The following SLIT1 variants were observed in gnomAD, a reference collection of about 807,000 sequenced individuals.
The protein encoded by SLIT1 is slit guidance ligand 1, also known as slit homolog 1 protein.
A neutral mutation model predicts 186.1 loss-of-function variants in SLIT1; 66 were observed. That is an observed-to-expected ratio of 0.35 (90% confidence interval 0.29 to 0.44). The LOEUF is 0.44. Ranked by LOEUF, SLIT1 falls within the 20% of genes least tolerant of loss-of-function variation. SLIT1 has a pLI of 1.00. For synonymous variants in SLIT1, 761 were observed against 833.8 expected (o/e 0.91, Z 1.50); for missense variants, 1,638 against 2,037.4 (o/e 0.80, Z 3.77).
chr10:97,124,931 A>G (rs1218799373), intron 4 of SLIT1, among the ~76,000 whole-genome samples: 2 of 152,250 alleles, frequency 1.3e-5, no homozygotes. Context: ...TCAAACAGGT[A>G]GTTTAACAGA....
At chr10:97,044,872 A>T (rs976081020) in intron 18 of SLIT1, among the ~76,000 whole-genome samples, 2 of 152,186 alleles carry the variant, frequency 1.3e-5, no homozygotes, top group Non-Finnish European at 2.9e-5. Flanking sequence ...TCCAATCCCT[A>T]TGTTGAAGTC....
At chr10:97,073,987 A>G (rs541264855) in intron 4 of SLIT1, among the ~76,000 whole-genome samples, 1 of 152,138 alleles carries the variant, frequency 6.6e-6, no homozygotes, top group African/African-American at 2.4e-5. Context: ...CACCCAGGAA[A>G]CGCTATTTAT....
chr10:97,039,744 A>T (rs574863472), intron 21 of SLIT1, among the ~76,000 whole-genome samples: 5 of 152,366 alleles, frequency 3.3e-5, no homozygotes, highest in African/African-American at 1.2e-4. Flanking sequence ...AGCTTAGTTT[A>T]AAGGGAGGAA....
intron 4 of SLIT1, among the ~76,000 whole-genome samples, chr10:97,117,149 C>A (rs576575061): frequency 1.3e-5 from 2 of 152,060 alleles, no homozygotes; most frequent in African/African-American, 4.8e-5. Context: ...TGTGTTTCTA[C>A]GAGCAGAGAC....
intron 25 of SLIT1, among the ~76,000 whole-genome samples, chr10:97,023,919 G>A (rs1320400075): frequency 6.6e-6 from 1 of 152,028 alleles, no homozygotes; most frequent in Non-Finnish European, 1.5e-5. Flanking sequence ...TCCAGCCTGG[G>A]CGACAAGACT....
At chr10:97,095,892 G>T (rs1263449971) in intron 4 of SLIT1, among the ~76,000 whole-genome samples, 1 of 152,188 alleles carries the variant, frequency 6.6e-6, no homozygotes, top group African/African-American at 2.4e-5. Flanking sequence ...CAAATCCCCT[G>T]GGGACTTGTT....
chr10:97,128,348 T>C (rs1021040999), intron 4 of SLIT1, among the ~76,000 whole-genome samples: 2 of 151,406 alleles, frequency 1.3e-5, no homozygotes, highest in African/African-American at 4.9e-5. Flanking sequence ...CAAGCAGGAG[T>C]GTTCATCTGT....
intron 31 of SLIT1, among the ~76,000 whole-genome samples, chr10:97,009,567 G>C (rs1030764641): frequency 1.2e-4 from 19 of 152,030 alleles, no homozygotes; most frequent in African/African-American, 4.6e-4. Context: ...CATAACCTTG[G>C]ATTAGGCAAT....
intron 4 of SLIT1, 115 bp from the exon 5 acceptor site, chr10:97,066,201 A>G (rs931011106): frequency 2.6e-6 from 2 of 769,684 alleles, no homozygotes; most frequent in Non-Finnish European, 4.6e-6. Context: ...TGAACCAGCC[A>G]CTGCTGCACC....
chr10:97,029,700 C>T, intron 25 of SLIT1, among the ~76,000 whole-genome samples: 1 of 152,200 alleles, frequency 6.6e-6, no homozygotes, highest in East Asian at 1.9e-4. Context: ...ATTGTATTCA[C>T]AGTGTTGTAC....
intron 4 of SLIT1, among the ~76,000 whole-genome samples, chr10:97,145,005 A>G (rs7086776): frequency 0.059 from 8,931 of 152,088 alleles, 402 homozygotes; most frequent in East Asian, 0.13. Context: ...AAAAGAGAGG[A>G]CTCAATGCCA....
Position 97,047,986 on chromosome 10 carries a change from C to T in SLIT1, c.1476G>A (p.Gln492=). The change falls in exon 15 of 37, where the codon CAG becomes CAA. Residue 492 remains glutamine (Q), a synonymous_variant. Coordinates refer to ENST00000266058, the MANE Select transcript of SLIT1 (RefSeq NM_003061.3). ...CCACTCTCCTACCTGGAATGAAGTACTGCTCTTTGGCTGGGAAGAGAAGCA... is the reference window on the plus strand; with the variant it reads ...CCACTCTCCTACCTGGAATGAAGTATTGCTCTTTGGCTGGGAAGAGAAGCA... ...SKKFRCSAKE[Q]YFIPGTEDYQ... 3.1e-6 allele frequency: 5 copies of T among 1,614,200 alleles called. No homozygotes were observed. Among genetic ancestry groups the T allele is most frequent in the South Asian group, 1.1e-5 (1 of 91,082 alleles).
At chr10:97,005,755 G>A (rs570356195) in intron 32 of SLIT1, among the ~76,000 whole-genome samples, 1 of 152,326 alleles carries the variant, frequency 6.6e-6, no homozygotes, top group Admixed American at 6.5e-5. Context: ...GAGAGGTGAC[G>A]TAGGGGAAGA....
At chr10:97,117,639 G>T (rs1343418235) in intron 4 of SLIT1, among the ~76,000 whole-genome samples, 11 of 152,164 alleles carry the variant, frequency 7.2e-5, no homozygotes, top group Non-Finnish European at 1.6e-4. Flanking sequence ...AATCTCTTCG[G>T]TTGCTGAGTC....
In SLIT1 at chr10:97,100,829, C is replaced by T. The variant is rs138234564; in HGVS notation, c.414-34743G>A. ...CCCGTTGGTACGCCGCTGCCTCGGC[C>T]TTAGGTGACCACAAGGGCAAATGCC... On this transcript the variant is annotated intron_variant, in intron 4 of 36. Coordinates refer to ENST00000266058, the MANE Select transcript of SLIT1 (RefSeq NM_003061.3). Among the ~76,000 whole-genome samples the T allele has an allele frequency of 1.8e-3, 276 of 152,334 alleles. 1 individual carries two copies. The highest frequency in any genetic ancestry group is 3.5e-3 in the Non-Finnish European group (238 of 68,022).
chr10:97,127,145 A>T (rs1849610496), intron 4 of SLIT1, among the ~76,000 whole-genome samples: 1 of 151,950 alleles, frequency 6.6e-6, no homozygotes. Context: ...AACAAAAAAA[A>T]TTAGCCGGGC....
In SLIT1 at chr10:97,072,332, A is replaced by T. The variant is rs542769595; in HGVS notation, c.414-6246T>A. Among the ~76,000 whole-genome samples, 7 of 152,162 alleles carry T rather than the reference A, an allele frequency of 4.6e-5. No individual in the cohort carries two copies. In the South Asian group the frequency reaches 1.0e-3, roughly 23 times the overall value. ...TGCTACCATGCCTGGCTAATTTTTT[A>T]AAAAATATTTTTGTAGAGACAGGGT... On this transcript the variant is annotated intron_variant, in intron 4 of 36. Coordinates refer to ENST00000266058, the MANE Select transcript of SLIT1 (RefSeq NM_003061.3).
intron 25 of SLIT1, among the ~76,000 whole-genome samples, chr10:97,027,142 G>A (rs1049461254): frequency 6.6e-6 from 1 of 152,152 alleles, no homozygotes. Flanking sequence ...GTAACTCCTG[G>A]CTAACCCTCG....
rs750007616 is a variant in SLIT1, at chr10:97,018,622, G to A, written c.2933C>T (p.Thr978Ile). Residue 978 changes from threonine to isoleucine, a missense_variant, in exon 28 of 37, where the codon ACC (threonine) becomes ATC (isoleucine). Around this residue, in one of 3 missense-constraint regions of SLIT1, gnomAD observed 1,245 missense variants for 1,535.3 expected, o/e 0.81. Coordinates refer to ENST00000266058, the MANE Select transcript of SLIT1 (RefSeq NM_003061.3). ...CSSGPCENGG[T>I]CHAQEGEDAP... is the part of the protein sequence containing the mutation. ...ATCCTCGCCCTCCTGTGCATGGCAGGTGCCCCCATTTTCACAGGGGCCACT... is the reference window on the plus strand; with the variant it reads ...ATCCTCGCCCTCCTGTGCATGGCAGATGCCCCCATTTTCACAGGGGCCACT... The A allele has an allele frequency of 3.4e-5, 55 of 1,595,794 alleles. No individual in the cohort carries two copies. Among genetic ancestry groups the A allele is most frequent in the Non-Finnish European group, 4.5e-5 (53 of 1,171,414 alleles).
Sources: gnomAD v4.1 joint callset for allele counts (sites outside exome capture counted in the v4.1 genomes callset) on GRCh38, gnomAD v4.1.1 for gene constraint, gnomAD v4.1.1 regional missense constraint, MANE v1.5 for transcripts, NCBI Gene and HGNC (gene_info 2026-07-23, HGNC 2026-07-21) for gene names.